PPA1: variants seen among roughly 807,000 people sequenced by gnomAD.
PPA1 encodes inorganic pyrophosphatase.
A neutral mutation model predicts 41.8 loss-of-function variants in PPA1; 23 were observed. The ratio of observed to expected loss-of-function variants is 0.55; its 90% confidence interval spans 0.40 to 0.78. The LOEUF (loss-of-function observed/expected upper bound fraction) is 0.78. PPA1 is among the 30% of genes least tolerant of loss of function. PPA1 has a pLI of 0.00. For missense variants in PPA1, 320 were observed against 361.6 expected, an observed-to-expected ratio of 0.89 and a Z score of 0.93; for synonymous variants, 101 against 116.8, an observed-to-expected ratio of 0.86 and a Z score of 0.87.
At chr10:70,224,243 C>T (rs1840204929) in intron 2 of PPA1, among the ~76,000 whole-genome samples, 2 of 94,378 alleles carry the variant, frequency 2.1e-5, no homozygotes, top group South Asian at 7.8e-4. Flanking sequence ...GACCCTGTCT[C>T]TACAAAAAAA....
At chr10:70,228,664 GAA>G (rs1398255850) in intron 2 of PPA1, among the ~76,000 whole-genome samples, 2 of 152,138 alleles carry the variant, frequency 1.3e-5, no homozygotes, top group African/African-American at 4.8e-5. Flanking sequence ...ACTCCCACAG[GAA>G]AAACACATGC....
At chr10:70,217,429 T>C (rs1840092383) in intron 4 of PPA1, among the ~76,000 whole-genome samples, 1 of 152,140 alleles carries the variant, frequency 6.6e-6, no homozygotes, top group Admixed American at 6.5e-5. Flanking sequence ...AAGCTAGGAA[T>C]TGGCCATCTT....
chr10:70,233,252 G>C lies in PPA1; in HGVS notation c.64+12C>G. The C allele has an allele frequency of 6.5e-7, 1 of 1,536,076 alleles. No individual in the cohort carries two copies. Among genetic ancestry groups the C allele is most frequent in the Middle Eastern group, 1.9e-4 (1 of 5,374 alleles). On this transcript the variant is annotated intron_variant, in intron 1 of 10. Coordinates refer to ENST00000373232, the MANE Select transcript of PPA1 (RefSeq NM_021129.4). ...GACGGGCGCGGAGGGGCCACGGGCCGCAGACACTCACTGAGGAAGACTCGG... is the reference window on the plus strand; with the variant it reads ...GACGGGCGCGGAGGGGCCACGGGCCCCAGACACTCACTGAGGAAGACTCGG...
At chr10:70,211,343 C>T (rs1840017443) in intron 6 of PPA1, among the ~76,000 whole-genome samples, 1 of 152,142 alleles carries the variant, frequency 6.6e-6, no homozygotes, top group South Asian at 2.1e-4. Context: ...GATTCTGATA[C>T]TATCTACCTG....
chr10:70,212,118 C>G (rs1424373092), intron 6 of PPA1, among the ~76,000 whole-genome samples: 2 of 152,168 alleles, frequency 1.3e-5, no homozygotes, highest in Non-Finnish European at 2.9e-5. Flanking sequence ...AAGGAAGTCA[C>G]CAGGCACAAC....
intron 1 of PPA1, among the ~76,000 whole-genome samples, chr10:70,232,502 T>C (rs1840299142): frequency 6.6e-6 from 1 of 152,210 alleles, no homozygotes; most frequent in African/African-American, 2.4e-5. Context: ...GGTTTCCCCG[T>C]GCAGCCCTAG....
intron 4 of PPA1, among the ~76,000 whole-genome samples, chr10:70,215,471 TTTTTTTTC>T (rs1430957095): frequency 6.6e-6 from 1 of 151,742 alleles, no homozygotes; most frequent in Admixed American, 6.6e-5. Context: ...TTCTTCTTCC[TTTTTTTTC>T]TTTTTTTCTT....
At chr10:70,219,828 G>T (rs1840116791) in intron 2 of PPA1, among the ~76,000 whole-genome samples, 1 of 152,040 alleles carries the variant, frequency 6.6e-6, no homozygotes, top group Non-Finnish European at 1.5e-5. Flanking sequence ...TATGCCATAG[G>T]TTATTTAATT....
chr10:70,214,339 A>G (rs916497281), intron 5 of PPA1, among the ~76,000 whole-genome samples, 161 bp downstream of exon 5: 3 of 152,246 alleles, frequency 2.0e-5, no homozygotes, highest in African/African-American at 7.2e-5. Context: ...TAAAAATTAT[A>G]ATATACAAAT....
At position 70,218,761 on chromosome 10, in the gene PPA1, T is replaced by C; in HGVS notation, c.177+3A>G. ...CTGACTCAAATGTAAGGTGAAATAT[T>C]ACCTCCATTTTTGCATTAGACCAGC... On this transcript the variant is annotated splice_donor_region_variant and intron_variant, in intron 3 of 10. Coordinates refer to ENST00000373232, the MANE Select transcript of PPA1 (RefSeq NM_021129.4). 2 of 1,601,856 alleles carry C rather than the reference T, an allele frequency of 1.2e-6. No homozygotes were observed. Among genetic ancestry groups the C allele is most frequent in the Non-Finnish European group, 1.7e-6 (2 of 1,169,164 alleles).
chr10:70,216,106 T>G (rs558417841), intron 4 of PPA1, among the ~76,000 whole-genome samples: 2 of 152,232 alleles, frequency 1.3e-5, no homozygotes, highest in South Asian at 4.1e-4. Flanking sequence ...AATCCAACAT[T>G]AAGAAAGCAA....
intron 8 of PPA1, among the ~76,000 whole-genome samples, chr10:70,207,720 T>C (rs1839962392): frequency 6.6e-6 from 1 of 152,174 alleles, no homozygotes; most frequent in Admixed American, 6.5e-5. Flanking sequence ...ATTTTAAAAA[T>C]CGTAAGACAA....
In PPA1 at chr10:70,233,375, A is replaced by T. The variant is rs1392155606; in HGVS notation, c.-48T>A. The T allele has an allele frequency of 2.0e-6, 3 of 1,526,490 alleles. No individual in the cohort carries two copies. Among genetic ancestry groups the T allele is most frequent in the Non-Finnish European group, 1.8e-6 (2 of 1,140,386 alleles). 94.6% of individuals were successfully genotyped at this position (1,526,490 alleles called of 1,614,324 possible). On this transcript the variant is annotated 5_prime_UTR_variant, in exon 1 of 11. Transcript: ENST00000373232. ...CGCTGCCACAGAGCCACCAGCCCGC[A>T]CGCGGCGCCGACTGACAAGGAGAGA... is the stretch of plus-strand genomic sequence containing the variant.
intron 2 of PPA1, among the ~76,000 whole-genome samples, chr10:70,229,846 TCCC>T (rs1265909090): frequency 6.6e-6 from 1 of 152,156 alleles, no homozygotes; most frequent in Non-Finnish European, 1.5e-5. Context: ...CTCCTCTCCT[TCCC>T]CAAATTATAT....
rs1028368899 is a variant in PPA1, at chr10:70,233,310, G to C, written c.18C>G (p.Thr6=). 1.9e-6 allele frequency: 3 copies of C among 1,541,034 alleles called. No homozygotes were observed. The highest frequency in any genetic ancestry group is 2.6e-6 in the Non-Finnish European group (3 of 1,144,170). ...GGGAGAAGGGCGCGGCGCGCTCCTCGGTGCTGAAGCCGCTCATAGTGCCGG... is the reference window on the plus strand; with the variant it reads ...GGGAGAAGGGCGCGGCGCGCTCCTCCGTGCTGAAGCCGCTCATAGTGCCGG... MSGFS[T]EERAAPFSLE... The change falls in exon 1 of 11, where the codon ACC becomes ACG. Residue 6 remains threonine, a synonymous_variant. Transcript: ENST00000373232.
At chr10:70,225,709 A>G (rs1442858363) in intron 2 of PPA1, among the ~76,000 whole-genome samples, 1 of 151,478 alleles carries the variant, frequency 6.6e-6, no homozygotes, top group Non-Finnish European at 1.5e-5. Context: ...CTATCAGAAG[A>G]GCTCACGTAG....
At chr10:70,214,186 G>C (rs1485360312) in intron 5 of PPA1, among the ~76,000 whole-genome samples, 1 of 152,114 alleles carries the variant, frequency 6.6e-6, no homozygotes, top group Admixed American at 6.6e-5. Flanking sequence ...GCCATGTTTT[G>C]AGAGGGAATT....
At chr10:70,206,079 C>T (rs555028831) in intron 9 of PPA1, 185 bp downstream of exon 9, 7 of 585,746 alleles carry the variant, frequency 1.2e-5, no homozygotes, top group African/African-American at 9.3e-5. Context: ...ATCACTCCCT[C>T]AGCTTCTCCC....
intron 2 of PPA1, among the ~76,000 whole-genome samples, chr10:70,222,374 G>A (rs1467742283): frequency 6.7e-6 from 1 of 148,250 alleles, no homozygotes. Flanking sequence ...TTAGCTGGGC[G>A]AAAAACAACA....
Sources: allele counts gnomAD v4.1 joint callset (sites outside exome capture counted in the v4.1 genomes callset), GRCh38; gene constraint gnomAD v4.1.1; transcripts MANE v1.5; gene names NCBI Gene and HGNC (gene_info 2026-07-23, HGNC 2026-07-21).